The following THEMIS variants were observed in gnomAD, a reference collection of about 807,000 sequenced individuals.
The protein encoded by THEMIS is protein THEMIS.
In THEMIS, 37 loss-of-function variants were observed where a neutral mutation model predicts 52.6. The ratio of observed to expected loss-of-function variants is 0.70; its 90% CI spans 0.54 to 0.93. The LOEUF (loss-of-function observed/expected upper bound fraction) is 0.93, where lower values mean the gene tolerates loss of function less well. THEMIS is among the 40% of genes least tolerant of loss of function. THEMIS has a pLI of 0.00. For missense variants in THEMIS, 808 were observed against 763.1 expected (o/e 1.06, Z -0.69); for synonymous variants, 292 against 272.7 (o/e 1.07, Z -0.70).
intron 1 of THEMIS, among the ~76,000 whole-genome samples, chr6:127,910,871 G>C (rs1781394633): frequency 6.6e-6 from 1 of 152,038 alleles, no homozygotes; most frequent in African/African-American, 2.4e-5. Context: ...TCCCATTCAG[G>C]ATACCCCATT....
Position 127,719,696 on chromosome 6 carries a change from G to C in THEMIS, c.1886C>G (p.Ala629Gly), listed in dbSNP as rs757173001. The C allele has an allele frequency of 6.2e-7, 1 of 1,611,196 alleles. No individual in the cohort carries two copies. Among genetic ancestry groups the C allele is most frequent in the Non-Finnish European group, 8.5e-7 (1 of 1,178,478 alleles). The change falls in exon 5 of 6, where the codon GCA (alanine) becomes GGA (glycine). Residue 629 changes from alanine to glycine, a missense_variant. By Grantham distance (60) the Ala-to-Gly change is moderately conservative (BLOSUM62 0). Coordinates refer to ENST00000368248, the MANE Select transcript of THEMIS (RefSeq NM_001010923.3). ...EKERSNRGAT[A>G]IAETFKNEKH... ...TATAGTCACATCAGTACCTGCTATT[G>C]CTGTGGCCCCACGGTTGCTCCTTTC...
Position 127,709,808 on chromosome 6 carries a change from A to G in THEMIS, c.*177T>C. ...GAATAGACTATATGAATTCTATATCATAGGTTTCTGTAAGTTTTATCTGTT... is the reference window on the plus strand; with the variant it reads ...GAATAGACTATATGAATTCTATATCGTAGGTTTCTGTAAGTTTTATCTGTT... On this transcript the variant is annotated 3_prime_UTR_variant, in exon 6 of 6. Coordinates refer to ENST00000368248, the MANE Select transcript of THEMIS (RefSeq NM_001010923.3). The G allele has an allele frequency of 1.7e-6, 1 of 584,070 alleles. No individual in the cohort carries two copies. 36.2% of individuals were successfully genotyped at this position (584,070 alleles called of 1,614,324 possible). A position where few individuals can be genotyped will look rare whatever the true frequency, so the allele number is the denominator to read the frequency against.
chr6:127,900,838 T>C lies in THEMIS; in HGVS notation c.91+4A>G, dbSNP rs1457717060. 6 of 1,611,468 alleles carry C rather than the reference T, an allele frequency of 3.7e-6. No individual in the cohort carries two copies. The highest frequency in any genetic ancestry group is 5.1e-6 in the Non-Finnish European group (6 of 1,178,022). ...AGCCAGTAAAGGTATTGGAGAGTGC[T>C]TACCTTCAAGATAGATGCCTGCCTG... On this transcript the variant is annotated splice_donor_region_variant and intron_variant, in intron 1 of 5. Coordinates refer to ENST00000368248, the MANE Select transcript of THEMIS (RefSeq NM_001010923.3).
At chr6:127,847,567 C>A (rs1480829173) in intron 2 of THEMIS, among the ~76,000 whole-genome samples, 1 of 151,792 alleles carries the variant, frequency 6.6e-6, no homozygotes, top group Non-Finnish European at 1.5e-5. Flanking sequence ...AAAACAAAAA[C>A]CAACCTTATA....
intron 4 of THEMIS, among the ~76,000 whole-genome samples, chr6:127,723,999 A>G (rs1282519513): frequency 1.3e-5 from 2 of 152,066 alleles, no homozygotes; most frequent in Non-Finnish European, 2.9e-5. Context: ...TTAAATAAAT[A>G]GGAAAATTCA....
intron 3 of THEMIS, among the ~76,000 whole-genome samples, chr6:127,822,874 T>C (rs1254700323): frequency 1.3e-5 from 2 of 152,232 alleles, no homozygotes; most frequent in East Asian, 3.9e-4. Flanking sequence ...CCCTCAAAAC[T>C]GCAGCATTAA....
chr6:127,754,637 C>A (rs575048234), intron 4 of THEMIS, among the ~76,000 whole-genome samples: 1 of 152,252 alleles, frequency 6.6e-6, no homozygotes, highest in African/African-American at 2.4e-5. Context: ...ATGTGCTCAT[C>A]TTCAAACTAA....
At chr6:127,746,940 TTATATATAATTATATATAGA>T (rs1775438051) in intron 4 of THEMIS, among the ~76,000 whole-genome samples, 1 of 82,706 alleles carries the variant, frequency 1.2e-5, no homozygotes, top group Admixed American at 2.1e-4. Context: ...TATAATTATA[TTATATATAATTATATATAGA>T]TATCTATAAT....
chr6:127,903,361 A>G (rs1319179413), upstream of THEMIS, among the ~76,000 whole-genome samples: 1 of 152,086 alleles, frequency 6.6e-6, no homozygotes, highest in Non-Finnish European at 1.5e-5. Flanking sequence ...AAGTTTGGTC[A>G]TTAGAACAGC....
At chr6:127,699,884 C>A in the THEMIS span, among the ~76,000 whole-genome samples, 3 of 151,842 alleles carry the variant, frequency 2.0e-5, no homozygotes, top group Middle Eastern at 3.2e-3. Flanking sequence ...AGAAACTCTT[C>A]ATGACTTGTG....
chr6:127,882,855 T>C (rs896661102), intron 1 of THEMIS, among the ~76,000 whole-genome samples: 2 of 151,950 alleles, frequency 1.3e-5, no homozygotes, highest in African/African-American at 4.8e-5. Flanking sequence ...CTGCTTGGTT[T>C]ATTTGAGCCC....
downstream of THEMIS, among the ~76,000 whole-genome samples, chr6:127,705,809 C>T (rs1310563186): frequency 6.6e-6 from 1 of 152,096 alleles, no homozygotes; most frequent in Non-Finnish European, 1.5e-5. Flanking sequence ...CAATTTGGAA[C>T]CTGCTGGCCT....
chr6:127,786,133 T>C (rs1210447405), intron 4 of THEMIS, among the ~76,000 whole-genome samples: 1 of 152,170 alleles, frequency 6.6e-6, no homozygotes, highest in East Asian at 1.9e-4. Context: ...TCTCAAAAAG[T>C]GAAATTTTAT....
At chr6:127,910,204 G>T (rs1036735358) in intron 1 of THEMIS, among the ~76,000 whole-genome samples, 6 of 152,030 alleles carry the variant, frequency 3.9e-5, no homozygotes, top group Admixed American at 3.9e-4. Context: ...TGTTATAGAT[G>T]ATGTTTTTTT....
At chr6:127,902,338 A>AAT (rs1554248910), upstream of THEMIS, among the ~76,000 whole-genome samples, 25 of 148,846 alleles carry the variant, frequency 1.7e-4, no homozygotes, top group Middle Eastern at 3.4e-3. Flanking sequence ...AAAAAAAAAA[A>AAT]AAAAAAATAA....
chr6:127,881,697 T>G (rs537592079), intron 1 of THEMIS, among the ~76,000 whole-genome samples: 3 of 152,034 alleles, frequency 2.0e-5, no homozygotes, highest in East Asian at 3.9e-4. Flanking sequence ...GGCATTGCTT[T>G]TATCTAAGTT....
chr6:127,778,831 AT>A (rs58524604), intron 4 of THEMIS, among the ~76,000 whole-genome samples: 41,486 of 142,112 alleles, frequency 0.29, 5,880 homozygotes, highest in Non-Finnish European at 0.38. Flanking sequence ...CTCAAGTGGA[AT>A]TTTTTTTTTT....
intron 4 of THEMIS, among the ~76,000 whole-genome samples, chr6:127,757,832 A>G (rs1775886611): frequency 6.6e-6 from 1 of 152,146 alleles, no homozygotes; most frequent in African/African-American, 2.4e-5. Context: ...CAAGTCTAAT[A>G]TCAGTATAGC....
At chr6:127,904,344 G>C (rs1362808709), upstream of THEMIS, among the ~76,000 whole-genome samples, 3 of 152,040 alleles carry the variant, frequency 2.0e-5, no homozygotes, top group Non-Finnish European at 4.4e-5. Context: ...GAACTGGGAA[G>C]CCAGGGCCAG....
Sources: gnomAD v4.1 joint callset for allele counts (sites outside exome capture counted in the v4.1 genomes callset) on GRCh38, gnomAD v4.1.1 for gene constraint, MANE v1.5 for transcripts, NCBI Gene and HGNC (gene_info 2026-07-23, HGNC 2026-07-21) for gene names.